Variants in CGNL1 observed in about 807,000 individuals in gnomAD.
CGNL1 encodes the protein cingulin-like protein 1.
A neutral mutation model predicts 141.2 loss-of-function variants in CGNL1; 132 were observed. The ratio of observed to expected loss-of-function variants is 0.93; its 90% confidence interval spans 0.81 to 1.08. The LOEUF is 1.08. Ranked by LOEUF, CGNL1 falls within the 50% of genes least tolerant of loss-of-function variation. The pLI, the probability that CGNL1 is intolerant of heterozygous loss-of-function variation, is 0.00. For missense variants in CGNL1, 1,870 were observed against 1,588.6 expected, an observed-to-expected ratio of 1.18 and a Z score of -3.01; for synonymous variants, 690 against 622.1, an observed-to-expected ratio of 1.11 and a Z score of -1.63.
chr15:57,408,424 G>A (rs923731150), intron 1 of CGNL1, among the ~76,000 whole-genome samples: 3 of 152,114 alleles, frequency 2.0e-5, no homozygotes, highest in African/African-American at 4.8e-5. Flanking sequence ...TTTTGGAATC[G>A]GAGAATCAAT....
rs80344549 is a variant in CGNL1, at chr15:57,545,867, A to T, written c.3609+167A>T. On this transcript the variant is annotated intron_variant, in intron 17 of 18. Coordinates refer to ENST00000281282, the MANE Select transcript of CGNL1 (RefSeq NM_032866.5). ...CAAATGGGGGCTTCTTGCCTACGTA[A>T]TTAGGGGATATCAGCAAATTCTACA... Among the ~76,000 whole-genome samples the T allele has an allele frequency of 8.9e-3, 1,350 of 152,280 alleles. 19 individuals carry two copies. Among genetic ancestry groups the T allele is most frequent in the African/African-American group, 0.031 (1,289 of 41,534 alleles).
At chr15:57,448,700 A>C (rs1183527267) in intron 4 of CGNL1, among the ~76,000 whole-genome samples, 1 of 152,166 alleles carries the variant, frequency 6.6e-6, no homozygotes, top group African/African-American at 2.4e-5. Context: ...TATTTTAAAA[A>C]TATTAGTTAT....
chr15:57,516,641 C>A (rs1267060860), intron 8 of CGNL1, 139 bp from the exon 9 acceptor site: 2 of 816,282 alleles, frequency 2.5e-6, no homozygotes, highest in African/African-American at 1.7e-5. Context: ...TGCAGGCTGT[C>A]GTTTGCCGAC....
At chr15:57,399,433 A>G (rs1422591141) in intron 1 of CGNL1, among the ~76,000 whole-genome samples, 3 of 152,004 alleles carry the variant, frequency 2.0e-5, no homozygotes, top group Non-Finnish European at 4.4e-5. Context: ...ATTGGTCACA[A>G]TTTTGGGCTT....
intron 1 of CGNL1, among the ~76,000 whole-genome samples, chr15:57,406,619 A>G (rs1284232036): frequency 6.6e-6 from 1 of 152,152 alleles, no homozygotes; most frequent in Non-Finnish European, 1.5e-5. Flanking sequence ...TGAGATGGGA[A>G]CTGAAAGCCT....
intron 14 of CGNL1, among the ~76,000 whole-genome samples, chr15:57,536,840 C>G (rs989318392): frequency 1.3e-5 from 2 of 152,126 alleles, no homozygotes; most frequent in East Asian, 1.9e-4. Context: ...AGTTTGACTC[C>G]AAAGCCTCTT....
intron 8 of CGNL1, among the ~76,000 whole-genome samples, chr15:57,486,577 T>C (rs1302315559): frequency 6.6e-6 from 1 of 152,174 alleles, no homozygotes; most frequent in African/African-American, 2.4e-5. Context: ...AGCTGTGGAT[T>C]GATTGGAGAG....
rs377229727 is a variant in CGNL1 at position 57,454,220 on chromosome 15, T to C, written c.2190+402T>C. ...GCTGTAACATTATCATCACCTGTAT[T>C]CTAGCATAGTTTTGGAACCTACTTC... On this transcript the variant is annotated intron_variant, in intron 7 of 18. Transcript: ENST00000281282. 3.3e-5 allele frequency among the ~76,000 whole-genome samples: 5 copies of C among 152,334 alleles called. No homozygotes were observed. The South Asian group carries it at 8.3e-4, about 25-fold the overall frequency.
rs60667956 is a variant in CGNL1, at chr15:57,483,468, CTTTT to C, written c.2403+21590_2403+21593del. 1.0e-2 allele frequency among the ~76,000 whole-genome samples: 1,276 copies of C among 127,804 alleles called. 20 individuals carry two copies. Among genetic ancestry groups the C allele is most frequent in the African/African-American group, 0.035 (1,210 of 34,466 alleles). 83.8% of individuals were successfully genotyped at this position (127,804 alleles called of 152,430 possible). The stretch of plus-strand genomic sequence containing the variant: ...GAAATCACATATTCTACAAAGTTTT[CTTTT>C]TTTTTTTTTTTTTGTGACAGGGAGG... On this transcript the variant is annotated intron_variant, in intron 8 of 18. Coordinates refer to ENST00000281282, the MANE Select transcript of CGNL1 (RefSeq NM_032866.5).
At chr15:57,450,275 G>T (rs2063306224) in intron 4 of CGNL1, among the ~76,000 whole-genome samples, 1 of 151,922 alleles carries the variant, frequency 6.6e-6, no homozygotes, top group African/African-American at 2.4e-5. Context: ...GTATCTCGTT[G>T]GTTTGTCTGT....
chr15:57,405,499 T>A (rs766947647), intron 1 of CGNL1, among the ~76,000 whole-genome samples: 2 of 152,246 alleles, frequency 1.3e-5, no homozygotes, highest in Non-Finnish European at 2.9e-5. Flanking sequence ...TCTAGGTTCC[T>A]GAATTTCTGT....
At chr15:57,473,099 G>A (rs2063603403) in intron 8 of CGNL1, among the ~76,000 whole-genome samples, 1 of 152,176 alleles carries the variant, frequency 6.6e-6, no homozygotes, top group African/African-American at 2.4e-5. Context: ...ATATGGTCAA[G>A]CCACAAGAAT....
intron 4 of CGNL1, among the ~76,000 whole-genome samples, chr15:57,444,469 G>A (rs115732330): frequency 1.7e-3 from 252 of 152,268 alleles, no homozygotes; most frequent in African/African-American, 5.9e-3. Flanking sequence ...TGAGTTGTGA[G>A]TTAGGCATGT....
chr15:57,548,289 C>T lies in CGNL1; in HGVS notation c.*799C>T, dbSNP rs2032973133. 1 of 152,184 alleles carries T rather than the reference C, an allele frequency of 6.6e-6. No homozygotes were observed. Among genetic ancestry groups the T allele is most frequent in the Admixed American group, 6.5e-5 (1 of 15,280 alleles). The allele number at this position is 152,184 out of a possible 1,614,324, so 9.4% of individuals were successfully genotyped here. ...GTGCTGAGATTACAGGCATGAGCCA[C>T]CACGCCCAGCCATTGAGTATTCTTT... On this transcript the variant is annotated 3_prime_UTR_variant, in exon 19 of 19. Transcript: ENST00000281282.
At chr15:57,513,267 TG>T in intron 8 of CGNL1, among the ~76,000 whole-genome samples, 1 of 140,282 alleles carries the variant, frequency 7.1e-6, no homozygotes, top group Middle Eastern at 3.5e-3. Flanking sequence ...TGTGTGTGTG[TG>T]TGTGTGTGTG....
At chr15:57,425,424 T>C (rs1242654845) in intron 1 of CGNL1, among the ~76,000 whole-genome samples, 1 of 152,188 alleles carries the variant, frequency 6.6e-6, no homozygotes, top group African/African-American at 2.4e-5. Context: ...TTTAGCATGC[T>C]TTCAAGAGAG....
intron 1 of CGNL1, among the ~76,000 whole-genome samples, chr15:57,413,190 T>TC (rs1297060822): frequency 5.5e-5 from 8 of 145,736 alleles, no homozygotes; most frequent in African/African-American, 2.1e-4. Context: ...TCTTTCTCTC[T>TC]TTCTCTTTCT....
rs1166843772 is a variant in CGNL1 at position 57,549,959 on chromosome 15, G to T, written c.*2469G>T. On this transcript the variant is annotated 3_prime_UTR_variant, in exon 19 of 19. Coordinates refer to ENST00000281282, the MANE Select transcript of CGNL1 (RefSeq NM_032866.5). ...TGCTGGGGAAGGTCAGCACACCCAA[G>T]AACTTTGGGAGTGTGTGTCTGTTTT... The T allele has an allele frequency of 2.0e-5, 3 of 152,198 alleles. No homozygotes were observed. Among genetic ancestry groups the T allele is most frequent in the Non-Finnish European group, 1.5e-5 (1 of 68,040 alleles). The allele number at this position is 152,198 out of a possible 1,614,324, so 9.4% of individuals were successfully genotyped here.
At chr15:57,480,108 TAA>T (rs1358604969) in intron 8 of CGNL1, among the ~76,000 whole-genome samples, 1 of 152,172 alleles carries the variant, frequency 6.6e-6, no homozygotes, top group African/African-American at 2.4e-5. Context: ...ACTTTTGAAA[TAA>T]AGTGTGAACT....
Sources: gnomAD v4.1 joint callset for allele counts (sites outside exome capture counted in the v4.1 genomes callset) on GRCh38, gnomAD v4.1.1 for gene constraint, MANE v1.5 for transcripts, NCBI Gene and HGNC (gene_info 2026-07-23, HGNC 2026-07-21) for gene names.